SNTG1: variants seen among roughly 807,000 people sequenced by gnomAD.
The protein encoded by SNTG1 is gamma-1-syntrophin.
A neutral mutation model predicts 74.7 loss-of-function variants in SNTG1; 39 were observed. The observed-to-expected ratio is 0.52, with a 90% confidence interval of 0.40 to 0.68. SNTG1 has a LOEUF of 0.68. Among genes scored for constraint, SNTG1 ranks in the 30% least tolerant of loss-of-function variants. The probability of loss-of-function intolerance (pLI) is 0.00; values close to 1 mark genes in which losing one functional copy is unlikely to be tolerated. For synonymous variants in SNTG1, 254 were observed against 217.1 expected (o/e 1.17, Z -1.49); for missense variants, 685 against 609.5 (o/e 1.12, Z -1.30).
chr8:50,586,262 T>C (rs984564332), intron 12 of SNTG1, among the ~76,000 whole-genome samples: 1 of 152,252 alleles, frequency 6.6e-6, no homozygotes, highest in Non-Finnish European at 1.5e-5. Flanking sequence ...TATATTCCTG[T>C]CAATTTTTCC....
At chr8:50,638,384 T>C (rs922416414) in intron 13 of SNTG1, among the ~76,000 whole-genome samples, 4 of 152,278 alleles carry the variant, frequency 2.6e-5, no homozygotes, top group Admixed American at 6.5e-5. Context: ...GGTGCCACTA[T>C]AATGTACTAA....
At chr8:50,471,032 G>A (rs923875186) in intron 8 of SNTG1, among the ~76,000 whole-genome samples, 2 of 151,998 alleles carry the variant, frequency 1.3e-5, no homozygotes, top group Non-Finnish European at 2.9e-5. Flanking sequence ...TGTTTTTACA[G>A]AGTGCTGATT....
At chr8:50,068,497 C>T (rs563190466) in intron 1 of SNTG1, among the ~76,000 whole-genome samples, 2 of 152,140 alleles carry the variant, frequency 1.3e-5, no homozygotes, top group Non-Finnish European at 2.9e-5. Context: ...GCTGGGCTTG[C>T]GCTGCGGGAG....
chr8:49,985,964 C>A (rs964100358), intron 1 of SNTG1, among the ~76,000 whole-genome samples: 2 of 150,948 alleles, frequency 1.3e-5, no homozygotes, highest in East Asian at 1.9e-4. Context: ...CAAATAATTT[C>A]TTTTTATAAC....
At chr8:50,670,172 G>C (rs1449697507) in intron 15 of SNTG1, among the ~76,000 whole-genome samples, 1 of 152,160 alleles carries the variant, frequency 6.6e-6, no homozygotes, top group East Asian at 1.9e-4. Flanking sequence ...ATTCAACATA[G>C]TGTTGGAAGT....
chr8:50,402,824 G>C (rs2092824032), intron 4 of SNTG1, among the ~76,000 whole-genome samples: 1 of 151,976 alleles, frequency 6.6e-6, no homozygotes, highest in South Asian at 2.1e-4. Context: ...TGATTCTGTG[G>C]GCCTCCCTAA....
In SNTG1 at chr8:50,328,055, G is replaced by A. The variant is rs753366396; in HGVS notation, c.-27-66157G>A. Among the ~76,000 whole-genome samples the A allele has an allele frequency of 1.8e-4, 28 of 151,860 alleles. 1 individual carries two copies. The highest frequency in any genetic ancestry group is 6.8e-3 in the Middle Eastern group (2 of 294). ...TGTTGCTATTATTATTTTAACAAACGTTTTGCTGTTAGATTGATTAATAAT... is the reference window on the plus strand; with the variant it reads ...TGTTGCTATTATTATTTTAACAAACATTTTGCTGTTAGATTGATTAATAAT... On this transcript the variant is annotated intron_variant, in intron 2 of 18. Transcript: ENST00000642720.
At chr8:50,768,372 A>G (rs1000598216) in intron 18 of SNTG1, among the ~76,000 whole-genome samples, 1 of 152,046 alleles carries the variant, frequency 6.6e-6, no homozygotes, top group Admixed American at 6.6e-5. Context: ...GATTGAATAC[A>G]TAACAAAATT....
intron 2 of SNTG1, among the ~76,000 whole-genome samples, chr8:50,345,603 A>G (rs201700445): frequency 1.3e-5 from 2 of 152,354 alleles, no homozygotes; most frequent in East Asian, 3.9e-4. Context: ...TGTTAAATCA[A>G]CTGCCATAAT....
At chr8:50,365,222 A>G (rs2092075548) in intron 2 of SNTG1, among the ~76,000 whole-genome samples, 1 of 152,122 alleles carries the variant, frequency 6.6e-6, no homozygotes, top group African/African-American at 2.4e-5. Context: ...TAGAAGTTGT[A>G]TTCATTGATT....
intron 1 of SNTG1, among the ~76,000 whole-genome samples, chr8:49,999,485 A>G (rs1449773866): frequency 2.0e-5 from 3 of 152,142 alleles, no homozygotes; most frequent in Non-Finnish European, 4.4e-5. Context: ...AGTCAATTCA[A>G]GTCTGATTAG....
intron 1 of SNTG1, among the ~76,000 whole-genome samples, chr8:50,150,220 T>A (rs1237296955): frequency 6.6e-6 from 1 of 152,200 alleles, no homozygotes; most frequent in African/African-American, 2.4e-5. Flanking sequence ...ATAAGAATGC[T>A]TGTTATTTTT....
At chr8:50,778,020 A>G (rs1361869809) in intron 18 of SNTG1, among the ~76,000 whole-genome samples, 2 of 152,136 alleles carry the variant, frequency 1.3e-5, no homozygotes, top group African/African-American at 2.4e-5. Context: ...TGTCCCTACA[A>G]AGGACATGAA....
At chr8:50,296,108 A>C (rs2089356802) in intron 2 of SNTG1, among the ~76,000 whole-genome samples, 1 of 152,152 alleles carries the variant, frequency 6.6e-6, no homozygotes, top group African/African-American at 2.4e-5. Context: ...AGAGATGGAG[A>C]ACACCATGTT....
chr8:50,059,099 A>C (rs1586090851), intron 1 of SNTG1, among the ~76,000 whole-genome samples: 1 of 152,058 alleles, frequency 6.6e-6, no homozygotes. Flanking sequence ...TTTATTTCTG[A>C]GTAGTATTCC....
rs369660513 is a variant in SNTG1, at chr8:50,545,699, C to T, written c.681-7351C>T. Among the ~76,000 whole-genome samples the T allele has an allele frequency of 7.2e-5, 11 of 151,948 alleles. No homozygotes were observed. The East Asian group carries it at 1.9e-3, about 27-fold the overall frequency. On this transcript the variant is annotated intron_variant, in intron 11 of 18. Coordinates refer to ENST00000642720, the MANE Select transcript of SNTG1 (RefSeq NM_018967.5). ...GAAAATCGATAATATTGAAAGTAGGCTTTTGGACTTTAAAAATTCTCAAAT... is the reference window on the plus strand; with the variant it reads ...GAAAATCGATAATATTGAAAGTAGGTTTTTGGACTTTAAAAATTCTCAAAT...
chr8:50,542,092 A>G (rs796446446), intron 11 of SNTG1, among the ~76,000 whole-genome samples: 39 of 109,168 alleles, frequency 3.6e-4, no homozygotes, highest in South Asian at 1.5e-3. Context: ...CATATATATG[A>G]ATGTAGTATA....
chr8:50,635,894 A>G (rs2095036015), intron 13 of SNTG1, among the ~76,000 whole-genome samples: 1 of 152,178 alleles, frequency 6.6e-6, no homozygotes, highest in South Asian at 2.1e-4. Context: ...TGTGCTTGGT[A>G]TCACCTGAAG....
chr8:49,987,897 C>T (rs1352021301), intron 1 of SNTG1, among the ~76,000 whole-genome samples: 4 of 152,084 alleles, frequency 2.6e-5, no homozygotes, highest in Admixed American at 2.0e-4. Context: ...ATCTGCCCAC[C>T]TCAGCCTCCC....
Sources: gnomAD v4.1 joint callset for allele counts (sites outside exome capture counted in the v4.1 genomes callset) on GRCh38, gnomAD v4.1.1 for gene constraint, MANE v1.5 for transcripts, NCBI Gene and HGNC (gene_info 2026-07-23, HGNC 2026-07-21) for gene names.